Variants in CSMD1 observed in about 807,000 individuals in gnomAD.
CSMD1 encodes the protein CUB and sushi domain-containing protein 1.
A neutral mutation model predicts 417.5 loss-of-function variants in CSMD1; 213 were observed. The observed-to-expected ratio is 0.51, with a 90% CI of 0.46 to 0.57. The LOEUF is 0.57. Among genes scored for constraint, CSMD1 ranks in the 20% least tolerant of loss-of-function variants. CSMD1 has a pLI of 0.00. For synonymous variants in CSMD1, 2,862 were observed against 1,736.8 expected (o/e 1.65, Z -16.11); for missense variants, 6,923 against 4,529.7 (o/e 1.53, Z -15.17).
chr8:3,533,554 A>T (rs1308898017), intron 10 of CSMD1, among the ~76,000 whole-genome samples: 1 of 152,198 alleles, frequency 6.6e-6, no homozygotes, highest in Non-Finnish European at 1.5e-5. Flanking sequence ...CTATGTCTAT[A>T]AAGCAGGTTC....
chr8:3,836,607 T>G (rs1802723578), intron 5 of CSMD1, among the ~76,000 whole-genome samples: 1 of 152,150 alleles, frequency 6.6e-6, no homozygotes, highest in South Asian at 2.1e-4. Context: ...TAATTTATAT[T>G]TACTAAATGG....
At chr8:3,372,728 T>G (rs1186860742) in intron 18 of CSMD1, among the ~76,000 whole-genome samples, 4 of 152,126 alleles carry the variant, frequency 2.6e-5, no homozygotes, top group Non-Finnish European at 5.9e-5. Flanking sequence ...GCTCCAAGTC[T>G]GCTGGGCTTG....
intron 50 of CSMD1, among the ~76,000 whole-genome samples, chr8:3,051,997 T>C (rs1811851658): frequency 6.6e-6 from 1 of 152,222 alleles, no homozygotes; most frequent in African/African-American, 2.4e-5. Flanking sequence ...TTACTGAGCA[T>C]CGATGTGTTA....
At chr8:4,518,716 G>A (rs1803262464) in intron 2 of CSMD1, among the ~76,000 whole-genome samples, 1 of 151,808 alleles carries the variant, frequency 6.6e-6, no homozygotes, top group African/African-American at 2.4e-5. Context: ...GTATACATAT[G>A]TAACTAACCT....
chr8:4,973,691 G>A (rs1810376539), intron 1 of CSMD1, among the ~76,000 whole-genome samples: 2 of 152,134 alleles, frequency 1.3e-5, no homozygotes, highest in African/African-American at 4.8e-5. Flanking sequence ...CTGACCATAA[G>A]CAGAGCTCTT....
intron 1 of CSMD1, among the ~76,000 whole-genome samples, chr8:4,731,459 G>C (rs139102976): frequency 2.2e-4 from 34 of 152,228 alleles, no homozygotes; most frequent in Admixed American, 1.8e-3. Context: ...ATTTCAACTT[G>C]AAACAACTTG....
intron 3 of CSMD1, among the ~76,000 whole-genome samples, chr8:4,416,108 C>T (rs1356197886): frequency 6.6e-6 from 1 of 152,126 alleles, no homozygotes; most frequent in Non-Finnish European, 1.5e-5. Context: ...AAATTGTGTC[C>T]TATCTGTACA....
At chr8:4,024,998 C>A in intron 4 of CSMD1, among the ~76,000 whole-genome samples, 1 of 152,302 alleles carries the variant, frequency 6.6e-6, no homozygotes, top group South Asian at 2.1e-4. Flanking sequence ...TGGGTTTAAA[C>A]GGCCTGATGC....
chr8:3,787,437 C>G (rs945694599), intron 5 of CSMD1, among the ~76,000 whole-genome samples: 1 of 152,000 alleles, frequency 6.6e-6, no homozygotes, highest in African/African-American at 2.4e-5. Context: ...AATTCATTTT[C>G]TAAATGATAT....
intron 1 of CSMD1, among the ~76,000 whole-genome samples, chr8:4,917,136 G>A (rs1806118286): frequency 6.6e-6 from 1 of 152,170 alleles, no homozygotes; most frequent in African/African-American, 2.4e-5. Context: ...GAAGGGAAAG[G>A]GAAAGTTGGC....
At chr8:4,148,545 G>C (rs1364227261) in intron 3 of CSMD1, among the ~76,000 whole-genome samples, 1 of 152,052 alleles carries the variant, frequency 6.6e-6, no homozygotes, top group Non-Finnish European at 1.5e-5. Context: ...TTGGCTACTT[G>C]GAGTTCTGGA....
At chr8:3,711,150 G>A (rs1585115406) in intron 6 of CSMD1, among the ~76,000 whole-genome samples, 1 of 152,230 alleles carries the variant, frequency 6.6e-6, no homozygotes, top group Admixed American at 6.5e-5. Flanking sequence ...AAAAGGGTAA[G>A]AGGGAGAAAC....
chr8:3,665,777 A>C (rs1249138537), intron 7 of CSMD1, among the ~76,000 whole-genome samples: 3 of 152,232 alleles, frequency 2.0e-5, no homozygotes, highest in Admixed American at 6.5e-5. Context: ...AGTAGCTTGA[A>C]GCTGAGGCTA....
At chr8:4,446,729 GTGTC>G (rs1283923157) in intron 2 of CSMD1, among the ~76,000 whole-genome samples, 9 of 138,490 alleles carry the variant, frequency 6.5e-5, no homozygotes, top group Non-Finnish European at 9.2e-5. Context: ...GTGTGTGTGT[GTGTC>G]TGTGTGTGTG....
At chr8:3,218,378 T>G (rs912605331) in intron 29 of CSMD1, among the ~76,000 whole-genome samples, 2 of 149,330 alleles carry the variant, frequency 1.3e-5, no homozygotes, top group African/African-American at 4.9e-5. Flanking sequence ...TGGCTAACAC[T>G]GTGAAACCCC....
At chr8:4,865,990 T>G (rs917004941) in intron 1 of CSMD1, among the ~76,000 whole-genome samples, 3 of 151,982 alleles carry the variant, frequency 2.0e-5, no homozygotes, top group Non-Finnish European at 2.9e-5. Flanking sequence ...GAGATGTAAC[T>G]TAATAGCAAC....
At chr8:3,759,562 GC>G (rs1797871290) in intron 5 of CSMD1, among the ~76,000 whole-genome samples, 1 of 151,888 alleles carries the variant, frequency 6.6e-6, no homozygotes, top group Non-Finnish European at 1.5e-5. Context: ...TGGAAAATGG[GC>G]ATGAACAGAG....
At chr8:4,319,776 T>C (rs190278856) in intron 3 of CSMD1, among the ~76,000 whole-genome samples, 13 of 152,056 alleles carry the variant, frequency 8.5e-5, no homozygotes, top group African/African-American at 2.9e-4. Context: ...CCGGGCAAAA[T>C]ACCAGAGAGA....
chr8:3,800,092 G>C (rs1176672323), intron 5 of CSMD1, among the ~76,000 whole-genome samples: 2 of 152,092 alleles, frequency 1.3e-5, no homozygotes, highest in African/African-American at 4.8e-5. Context: ...TACAGGCTTT[G>C]TGCTAAGATC....
Sources: allele counts gnomAD v4.1 joint callset (sites outside exome capture counted in the v4.1 genomes callset), GRCh38; gene constraint gnomAD v4.1.1; transcripts MANE v1.5; gene names NCBI Gene and HGNC (gene_info 2026-07-23, HGNC 2026-07-21).